Variants in IQCH observed in about 807,000 individuals in gnomAD.
The protein encoded by IQCH is IQ motif containing H.
Under a neutral mutation model 117.0 loss-of-function variants are expected in IQCH, and 98 were observed. The observed-to-expected ratio is 0.84, with a 90% CI of 0.71 to 0.99. IQCH has a LOEUF of 0.99. Among genes scored for constraint, IQCH ranks in the 50% least tolerant of loss-of-function variants. The pLI is 0.00. For synonymous variants in IQCH, 412 were observed against 448.2 expected (o/e 0.92, Z 1.02); for missense variants, 1,102 against 1,243.8 (o/e 0.89, Z 1.72).
Position 67,479,386 on chromosome 15 carries a change from C to T in IQCH, c.2799+3568C>T, listed in dbSNP as rs1454949793. On this transcript the variant is annotated intron_variant, in intron 18 of 20. Coordinates refer to ENST00000335894, the MANE Select transcript of IQCH (RefSeq NM_001031715.3). The surrounding 1 kb of genome is among the most constrained non-coding windows in gnomAD (Gnocchi z 4.6). ...GTCAAGCATGATTCTTCGTCTTACACAAGGTGTCCCCTATATAAGCCCTTT... is the reference window on the plus strand; with the variant it reads ...GTCAAGCATGATTCTTCGTCTTACATAAGGTGTCCCCTATATAAGCCCTTT... Among the ~76,000 whole-genome samples, 1 of 152,196 alleles carries T rather than the reference C, an allele frequency of 6.6e-6. No homozygotes were observed. Among genetic ancestry groups the T allele is most frequent in the Non-Finnish European group, 1.5e-5 (1 of 68,048 alleles).
chr15:67,254,830 CT>C lies in IQCH; in HGVS notation c.-66del. 6.5e-7 allele frequency: 1 copy of C among 1,533,752 alleles called. No homozygotes were observed. The highest frequency in any genetic ancestry group is 8.9e-7 in the Non-Finnish European group (1 of 1,119,756). On this transcript the variant is annotated 5_prime_UTR_variant, in exon 1 of 21. The change abolishes the stop of an existing upstream ORF in the 5' untranslated region. Coordinates refer to ENST00000335894, the MANE Select transcript of IQCH (RefSeq NM_001031715.3). ...GCGGTGTTGCCATGGGGACGAGCGG[CT>C]CCGGCTGAAGGTTTCCGTGCTTGGA...
rs565410869 is a variant in IQCH at position 67,445,853 on chromosome 15, C to G, written c.2506-19274C>G. Among the ~76,000 whole-genome samples the G allele has an allele frequency of 6.6e-6, 1 of 152,248 alleles. No individual in the cohort carries two copies. Among genetic ancestry groups the G allele is most frequent in the South Asian group, 2.1e-4 (1 of 4,818 alleles). On this transcript the variant is annotated intron_variant, in intron 16 of 20. Coordinates refer to ENST00000335894, the MANE Select transcript of IQCH (RefSeq NM_001031715.3). This position sits in a 1 kb window ranked among gnomAD's most constrained non-coding sequence, Gnocchi z 4.3. ...ACCAATAGAAGTCCAAATAATGCAA[C>G]AAAATTCACCTCCCATACAGAGGAC... is the stretch of plus-strand genomic sequence containing the variant.
rs1301903967 is a variant in IQCH at position 67,254,952 on chromosome 15, G to C, written c.51+5G>C. The C allele has an allele frequency of 1.2e-6, 2 of 1,612,952 alleles. No individual in the cohort carries two copies. The highest frequency in any genetic ancestry group is 2.2e-5 in the South Asian group (2 of 90,946). The stretch of plus-strand genomic sequence containing the variant: ...GTCGGATCCATCTTAATCCAGGTGG[G>C]AAACGGGCTTCCCCCGGCCCTGCCC... On this transcript the variant is annotated splice_donor_5th_base_variant and intron_variant, in intron 1 of 20. Transcript: ENST00000335894.
chr15:67,327,695 C>G (rs1420503434), intron 4 of IQCH, among the ~76,000 whole-genome samples: 1 of 152,176 alleles, frequency 6.6e-6, no homozygotes, highest in Non-Finnish European at 1.5e-5. Context: ...ACTCCAGACT[C>G]TATGCTTGCT....
intron 17 of IQCH, among the ~76,000 whole-genome samples, chr15:67,471,334 G>A (rs1020248447): frequency 3.9e-5 from 6 of 152,004 alleles, no homozygotes; most frequent in Admixed American, 3.9e-4. Flanking sequence ...TACATAAATT[G>A]TACAGCATCA....
At chr15:67,402,807 G>A (rs1049771739) in intron 14 of IQCH, among the ~76,000 whole-genome samples, 9 of 152,150 alleles carry the variant, frequency 5.9e-5, no homozygotes, top group Admixed American at 4.6e-4. Context: ...ATACGATACC[G>A]TGATTTTTCT....
rs1453042362 is a variant in IQCH at position 67,404,549 on chromosome 15, T to C, written c.2097+4244T>C. 6.6e-6 allele frequency: 1 copy of C among 152,196 alleles called. No homozygotes were observed. Among genetic ancestry groups the C allele is most frequent in the East Asian group, 1.9e-4 (1 of 5,204 alleles). 9.4% of individuals were successfully genotyped at this position (152,196 alleles called of 1,614,324 possible). On this transcript the variant is annotated intron_variant, in intron 14 of 20. Transcript: ENST00000335894. This position sits in a 1 kb window ranked among gnomAD's most constrained non-coding sequence, Gnocchi z 4.6. ...AAAAAATTTAAAAGTACATAATCAC[T>C]GTCCCCAAACATAGTTGTTTTCATT...
Position 67,457,039 on chromosome 15 carries a change from T to G in IQCH, c.2506-8088T>G, listed in dbSNP as rs918626717. Among the ~76,000 whole-genome samples the G allele has an allele frequency of 6.6e-6, 1 of 152,186 alleles. No homozygotes were observed. The highest frequency in any genetic ancestry group is 2.4e-5 in the African/African-American group (1 of 41,438). On this transcript the variant is annotated intron_variant, in intron 16 of 20. Coordinates refer to ENST00000335894, the MANE Select transcript of IQCH (RefSeq NM_001031715.3). The surrounding 1 kb of genome is among the most constrained non-coding windows in gnomAD (Gnocchi z 5.7). Reference sequence around the variant, plus strand: ...TAAGCTGAAAACCAAGAGGCTCAATTGCTGACCGGGGTGACTGCCCTGTAC... The same window carrying G: ...TAAGCTGAAAACCAAGAGGCTCAATGGCTGACCGGGGTGACTGCCCTGTAC...
In IQCH at chr15:67,408,092, C is replaced by A. The variant is rs114976614; in HGVS notation, c.2097+7787C>A. 6.6e-6 allele frequency: 1 copy of A among 152,122 alleles called. No individual in the cohort carries two copies. The highest frequency in any genetic ancestry group is 2.4e-5 in the African/African-American group (1 of 41,396). 9.4% of individuals were successfully genotyped at this position (152,122 alleles called of 1,614,324 possible). A position where few individuals can be genotyped will look rare whatever the true frequency, so the allele number is the denominator to read the frequency against. On this transcript the variant is annotated intron_variant, in intron 14 of 20. Transcript: ENST00000335894. The surrounding 1 kb of genome is among the most constrained non-coding windows in gnomAD (Gnocchi z 4.2). ...CCAGGGTTGGCGGCCATATGGATCC[C>A]GAATATTTTGAATCAATTGAATTTA...
chr15:67,377,834 T>C (rs1309035715), intron 10 of IQCH, among the ~76,000 whole-genome samples: 1 of 152,176 alleles, frequency 6.6e-6, no homozygotes, highest in Non-Finnish European at 1.5e-5. Flanking sequence ...ATTGACTTGA[T>C]GACTAAAAAG....
intron 15 of IQCH, among the ~76,000 whole-genome samples, chr15:67,420,758 A>G (rs2081716360): frequency 1.3e-5 from 2 of 152,238 alleles, no homozygotes; most frequent in Admixed American, 1.3e-4. Context: ...TCTTGGTTCT[A>G]TATTTTTAAA....
chr15:67,330,554 A>T (rs949541190), intron 4 of IQCH, among the ~76,000 whole-genome samples: 1 of 152,192 alleles, frequency 6.6e-6, no homozygotes. Flanking sequence ...AGTGGCACCA[A>T]GAAAGACCTG....
chr15:67,468,930 C>T (rs1036395998), intron 17 of IQCH, among the ~76,000 whole-genome samples: 1 of 152,088 alleles, frequency 6.6e-6, no homozygotes, highest in Non-Finnish European at 1.5e-5. Context: ...AGTATCATGG[C>T]GAAAATACAA....
intron 10 of IQCH, among the ~76,000 whole-genome samples, chr15:67,379,782 A>C (rs771535883): frequency 1.3e-5 from 2 of 152,184 alleles, no homozygotes; most frequent in African/African-American, 2.4e-5. Context: ...CATGATTGTA[A>C]GTCTTCTGAA....
In IQCH at chr15:67,479,952, A is replaced by G. The variant is rs530759979; in HGVS notation, c.2799+4134A>G. ...GGAAGGGAGCATTGCTGAGTTTGTAAGCAACTTGGTGGGTCTCATTCCGGG... is the reference window on the plus strand; with the variant it reads ...GGAAGGGAGCATTGCTGAGTTTGTAGGCAACTTGGTGGGTCTCATTCCGGG... On this transcript the variant is annotated intron_variant, in intron 18 of 20. Transcript: ENST00000335894. The surrounding 1 kb of genome is among the most constrained non-coding windows in gnomAD (Gnocchi z 4.6). 6.6e-6 allele frequency among the ~76,000 whole-genome samples: 1 copy of G among 152,192 alleles called. No homozygotes were observed. Among genetic ancestry groups the G allele is most frequent in the Non-Finnish European group, 1.5e-5 (1 of 68,028 alleles).
At chr15:67,497,241 G>A (rs1259297895) in intron 20 of IQCH, among the ~76,000 whole-genome samples, 1 of 151,700 alleles carries the variant, frequency 6.6e-6, no homozygotes, top group Non-Finnish European at 1.5e-5. Context: ...TGAGATGGGC[G>A]GATGGCCTGA....
At chr15:67,363,749 C>T (rs1284392953) in intron 8 of IQCH, among the ~76,000 whole-genome samples, 1 of 152,114 alleles carries the variant, frequency 6.6e-6, no homozygotes, top group Non-Finnish European at 1.5e-5. Flanking sequence ...TCATTCCCTT[C>T]TTTGTGTCCA....
In IQCH at chr15:67,384,803, G is replaced by A; in HGVS notation, c.1373-133G>A. The A allele has an allele frequency of 1.6e-6, 1 of 636,702 alleles. No individual in the cohort carries two copies. Among genetic ancestry groups the A allele is most frequent in the Admixed American group, 2.2e-5 (1 of 45,722 alleles). The allele number at this position is 636,702 out of a possible 1,614,324, so 39.4% of individuals were successfully genotyped here. ...ACAAGCACCTCATTCTTCGGGATTG[G>A]GTTGTTTCTGTAAGATGCTTCAGAG... On this transcript the variant is annotated intron_variant, in intron 10 of 20. Transcript: ENST00000335894. This position sits in a 1 kb window ranked among gnomAD's most constrained non-coding sequence, Gnocchi z 4.3.
At position 67,501,214 on chromosome 15, in the gene IQCH, A is replaced by T. The variant is rs2083970918; in HGVS notation, c.*468A>T. ...CAAAACACAAATGCCTTTTTTTCAA[A>T]GCTTCAAATTATATTGAAATTATAT... On this transcript the variant is annotated 3_prime_UTR_variant, in exon 21 of 21. Coordinates refer to ENST00000335894, the MANE Select transcript of IQCH (RefSeq NM_001031715.3). The surrounding 1 kb of genome is among the most constrained non-coding windows in gnomAD (Gnocchi z 5.2). 1 of 152,218 alleles carries T rather than the reference A, an allele frequency of 6.6e-6. No individual in the cohort carries two copies. Among genetic ancestry groups the T allele is most frequent in the African/African-American group, 2.4e-5 (1 of 41,478 alleles). 9.4% of individuals were successfully genotyped at this position (152,218 alleles called of 1,614,324 possible). A position where few individuals can be genotyped will look rare whatever the true frequency, so the allele number is the denominator to read the frequency against.
Sources: gnomAD v4.1 joint callset for allele counts (sites outside exome capture counted in the v4.1 genomes callset) on GRCh38, gnomAD v4.1.1 for gene constraint, Gnocchi (gnomAD v3.1) non-coding constraint, MANE v1.5 for transcripts, NCBI Gene and HGNC (gene_info 2026-07-23, HGNC 2026-07-21) for gene names.